The following KCNK5 variants were observed in gnomAD, a reference collection of about 807,000 sequenced individuals.
The protein encoded by KCNK5 is potassium channel subfamily K member 5.
A neutral mutation model predicts 32.9 loss-of-function variants in KCNK5; 18 were observed. The ratio of observed to expected loss-of-function variants is 0.55; its 90% CI spans 0.38 to 0.81. KCNK5 has a LOEUF of 0.81. Among genes scored for constraint, KCNK5 ranks in the 30% least tolerant of loss-of-function variants. The pLI, the probability that KCNK5 is intolerant of heterozygous loss-of-function variation, is 0.00. For missense variants in KCNK5, 507 were observed against 651.0 expected (o/e 0.78, Z 2.41); for synonymous variants, 276 against 275.3 (o/e 1.00, Z -0.03).
At chr6:39,208,368 G>C (rs1771265974) in intron 1 of KCNK5, among the ~76,000 whole-genome samples, 1 of 152,104 alleles carries the variant, frequency 6.6e-6, no homozygotes, top group Non-Finnish European at 1.5e-5. Flanking sequence ...GGCCCCCAGG[G>C]AGCTCATTCA....
At chr6:39,228,398 G>A (rs1176490282) in intron 1 of KCNK5, among the ~76,000 whole-genome samples, 1 of 152,080 alleles carries the variant, frequency 6.6e-6, no homozygotes, top group Non-Finnish European at 1.5e-5. Flanking sequence ...CTCCTCTCCG[G>A]AACTCTGCTG....
intron 1 of KCNK5, among the ~76,000 whole-genome samples, chr6:39,204,573 G>A (rs767785264): frequency 5.9e-5 from 9 of 152,224 alleles, no homozygotes; most frequent in Middle Eastern, 3.2e-3. Flanking sequence ...ACTCCTGCCC[G>A]GGTCCTGCCC....
chr6:39,208,658 C>T (rs1372521875), intron 1 of KCNK5, among the ~76,000 whole-genome samples: 1 of 152,226 alleles, frequency 6.6e-6, no homozygotes, highest in East Asian at 1.9e-4. Flanking sequence ...GGATGGATGG[C>T]ATTCTGTGCA....
intron 1 of KCNK5, among the ~76,000 whole-genome samples, chr6:39,197,799 A>G (rs886991265): frequency 2.0e-5 from 3 of 152,220 alleles, no homozygotes; most frequent in Admixed American, 2.0e-4. Context: ...ACAAGAAAAG[A>G]GTATATAAGA....
chr6:39,217,828 C>A (rs1316284376), intron 1 of KCNK5, among the ~76,000 whole-genome samples: 2 of 152,146 alleles, frequency 1.3e-5, no homozygotes, highest in South Asian at 2.1e-4. Flanking sequence ...AGGGAGGCAT[C>A]GGATCCTTTC....
In KCNK5 at chr6:39,189,341, C is replaced by T. The variant is rs1326698167; in HGVS notation, c.*1549G>A. The T allele has an allele frequency of 1.3e-5, 2 of 152,472 alleles. No homozygotes were observed. Among genetic ancestry groups the T allele is most frequent in the Admixed American group, 6.6e-5 (1 of 15,266 alleles). The allele number at this position is 152,472 out of a possible 1,614,324, so 9.4% of individuals were successfully genotyped here. On this transcript the variant is annotated 3_prime_UTR_variant, in exon 5 of 5. Transcript: ENST00000359534. ...CACCCGCAGTGGATGCCCCTTCCTG[C>T]TTTTGCTCACCTCAGTGTCCCCTTC...
At chr6:39,219,257 G>C (rs1186842146) in intron 1 of KCNK5, among the ~76,000 whole-genome samples, 2 of 152,228 alleles carry the variant, frequency 1.3e-5, no homozygotes, top group Non-Finnish European at 2.9e-5. Context: ...CTCAGGCAGG[G>C]AGAGCAGTTT....
At chr6:39,196,040 G>T in intron 1 of KCNK5, 53 bp from the exon 2 acceptor site, 1 of 1,320,688 alleles carries the variant, frequency 7.6e-7, no homozygotes, top group Non-Finnish European at 1.1e-6. Context: ...AACAGATGCT[G>T]ATTGACAGAA....
chr6:39,212,917 T>A (rs1771367114), intron 1 of KCNK5, among the ~76,000 whole-genome samples: 1 of 152,190 alleles, frequency 6.6e-6, no homozygotes, highest in Non-Finnish European at 1.5e-5. Flanking sequence ...AAGAACGAAC[T>A]AGGCTCGAAA....
At chr6:39,212,790 T>A (rs554011520) in intron 1 of KCNK5, among the ~76,000 whole-genome samples, 1 of 152,306 alleles carries the variant, frequency 6.6e-6, no homozygotes, top group South Asian at 2.1e-4. Context: ...TACCTCCAAC[T>A]TGGTCTGCAG....
At chr6:39,224,280 G>A (rs1771611225) in intron 1 of KCNK5, among the ~76,000 whole-genome samples, 1 of 152,100 alleles carries the variant, frequency 6.6e-6, no homozygotes, top group African/African-American at 2.4e-5. Context: ...AACCAAAAGA[G>A]CTATTGTGTT....
rs748673096 is a variant in KCNK5, at chr6:39,191,096, C to T, written c.1294G>A (p.Glu432Lys). The T allele has an allele frequency of 9.9e-6, 16 of 1,614,146 alleles. No individual in the cohort carries two copies. The highest frequency in any genetic ancestry group is 4.5e-5 in the East Asian group (2 of 44,864). ...TCTAGCGAGGACTTGGAGGTCTCCT[C>T]GTCTGAGAGGCCAGCCTCCGTGTTC... ...FVNTEAGLSD[E>K]ETSKSSLEDN... The change falls in exon 5 of 5, where the codon GAG (glutamate) becomes AAG (lysine). Residue 432 changes from glutamate to lysine, a missense_variant. By Grantham distance (56) the Glu-to-Lys change is moderately conservative (BLOSUM62 1). Coordinates refer to ENST00000359534, the MANE Select transcript of KCNK5 (RefSeq NM_003740.4). The surrounding 1 kb of genome is among the most constrained non-coding windows in gnomAD (Gnocchi z 5.8).
Position 39,229,199 on chromosome 6 carries a change from G to T in KCNK5, c.-88C>A. The T allele has an allele frequency of 7.3e-7, 1 of 1,374,924 alleles. No individual in the cohort carries two copies. The allele number at this position is 1,374,924 out of a possible 1,614,324, so 85.2% of individuals were successfully genotyped here. On this transcript the variant is annotated 5_prime_UTR_variant, in exon 1 of 5. Transcript: ENST00000359534. Reference sequence around the variant, plus strand: ...CGCCCTCCAGCCTCTGAAAACAGCTGTTTGAATTTGGAGCTCCGCATGCGC... The same window carrying T: ...CGCCCTCCAGCCTCTGAAAACAGCTTTTTGAATTTGGAGCTCCGCATGCGC...
In KCNK5 at chr6:39,189,581, A is replaced by G. The variant is rs1011473057; in HGVS notation, c.*1309T>C. ...AAATAAAACAAAAAATAACAAAAAC[A>G]TTCAGGACACAGTGGGCCAGCCCCA... On this transcript the variant is annotated 3_prime_UTR_variant, in exon 5 of 5. Coordinates refer to ENST00000359534, the MANE Select transcript of KCNK5 (RefSeq NM_003740.4). The G allele has an allele frequency of 1.3e-5, 2 of 152,660 alleles. No homozygotes were observed. Among genetic ancestry groups the G allele is most frequent in the African/African-American group, 4.8e-5 (2 of 41,452 alleles). The allele number at this position is 152,660 out of a possible 1,614,324, so 9.5% of individuals were successfully genotyped here.
At chr6:39,201,253 CTTTTT>C (rs11291715) in intron 1 of KCNK5, among the ~76,000 whole-genome samples, 1 of 141,358 alleles carries the variant, frequency 7.1e-6, no homozygotes. Flanking sequence ...CTTTTTTCTT[CTTTTT>C]TTTTTTTTTT....
intron 1 of KCNK5, among the ~76,000 whole-genome samples, chr6:39,202,564 TG>T (rs1771148271): frequency 6.6e-6 from 1 of 152,186 alleles, no homozygotes; most frequent in South Asian, 2.1e-4. Context: ...CTCAGGTGAC[TG>T]GGACTGTCCT....
intron 1 of KCNK5, among the ~76,000 whole-genome samples, chr6:39,201,456 G>A (rs953537421): frequency 1.8e-4 from 27 of 151,918 alleles, no homozygotes; most frequent in Non-Finnish European, 2.9e-4. Flanking sequence ...TCTCCATGTC[G>A]GTCAGGCTGG....
In KCNK5 at chr6:39,191,604, T is replaced by C. The variant is rs769311597; in HGVS notation, c.786A>G (p.Arg262=). ...VHKAIKKRRR[R]RKESFESSPH... is the part of the protein sequence containing the mutation. Reference sequence around the variant, plus strand: ...GGGAGCTCTCAAAGGACTCCTTCCGTCGCCGCCGCCGCTTCTTAATGGCTT... The same window carrying C: ...GGGAGCTCTCAAAGGACTCCTTCCGCCGCCGCCGCCGCTTCTTAATGGCTT... Residue 262 remains arginine, a synonymous_variant, in exon 5 of 5, where the codon CGA becomes CGG. Transcript: ENST00000359534. This position sits in a 1 kb window ranked among gnomAD's most constrained non-coding sequence, Gnocchi z 5.8. The C allele has an allele frequency of 5.0e-6, 8 of 1,613,944 alleles. No individual in the cohort carries two copies. The South Asian group carries it at 6.6e-5, about 13-fold the overall frequency.
intron 1 of KCNK5, among the ~76,000 whole-genome samples, chr6:39,219,009 A>C (rs1453068610): frequency 2.6e-5 from 4 of 152,156 alleles, no homozygotes; most frequent in Admixed American, 2.6e-4. Context: ...GACACACAGT[A>C]TGTGCTTAGT....
Sources: allele counts gnomAD v4.1 joint callset (sites outside exome capture counted in the v4.1 genomes callset), GRCh38; gene constraint gnomAD v4.1.1; non-coding constraint Gnocchi (gnomAD v3.1); transcripts MANE v1.5; gene names NCBI Gene and HGNC (gene_info 2026-07-23, HGNC 2026-07-21).